JRK: variants seen among roughly 807,000 people sequenced by gnomAD.
JRK encodes the protein jerky protein homolog.
For synonymous variants in JRK, 303 were observed against 218.1 expected, an observed-to-expected ratio of 1.39 and a Z score of -3.43; for missense variants, 720 against 509.2, an observed-to-expected ratio of 1.41 and a Z score of -3.98.
intron 1 of JRK, among the ~76,000 whole-genome samples, chr8:142,667,937 G>A (rs1271511126): frequency 6.6e-6 from 1 of 152,248 alleles, no homozygotes; most frequent in Non-Finnish European, 1.5e-5. Context: ...TGTGAGGCCA[G>A]GGCAGCCTAT....
At position 142,665,882 on chromosome 8, in the gene JRK, C is replaced by T. The variant is rs115819062; in HGVS notation, c.177G>A (p.Lys59=). 1,280 of 784,492 alleles carry T rather than the reference C, an allele frequency of 1.6e-3. 9 individuals carry two copies. In the African/African-American group the frequency reaches 0.02, roughly 12 times the overall value. 48.6% of individuals were successfully genotyped at this position (784,492 alleles called of 1,614,324 possible). A position where few individuals can be genotyped will look rare whatever the true frequency, so the allele number is the denominator to read the frequency against. The change falls in exon 2 of 2, where the codon AAG becomes AAA. Residue 59 remains lysine (K), a synonymous_variant. Coordinates refer to ENST00000612905, the MANE Select transcript of JRK (RefSeq NM_003724.4). ...MSTLYDIRAH[K]AQLLRFFASS... is the part of the protein sequence containing the mutation. Reference sequence around the variant, plus strand: ...TGGCGAAGAACCGGAGCAGCTGCGCCTTGTGGGCCCTGATGTCGTAGAGGG... The same window carrying T: ...TGGCGAAGAACCGGAGCAGCTGCGCTTTGTGGGCCCTGATGTCGTAGAGGG...
rs782631131 is a variant in JRK, at chr8:142,664,863, T to G, written c.1196A>C (p.Glu399Ala). The change falls in exon 2 of 2, where the codon GAG becomes GCG. Residue 399 changes from glutamate to alanine, a missense_variant. Coordinates refer to ENST00000612905, the MANE Select transcript of JRK (RefSeq NM_003724.4). ...TGGGAAGCACTCTGCCTCCAACTCC[T>G]CCTCAGAGGAGGAGCCTTCGGCAAA... ...VAFAEGSSSEEELEAECFPVK... is the reference protein window; with the variant it reads ...VAFAEGSSSEAELEAECFPVK... 6.7e-7 allele frequency: 1 copy of G among 1,487,816 alleles called. No individual in the cohort carries two copies. The highest frequency in any genetic ancestry group is 1.1e-5 in the South Asian group (1 of 87,596). 92.2% of individuals were successfully genotyped at this position (1,487,816 alleles called of 1,614,324 possible). A position where few individuals can be genotyped will look rare whatever the true frequency, so the allele number is the denominator to read the frequency against.
downstream of JRK, among the ~76,000 whole-genome samples, chr8:142,656,942 T>C (rs1309662011): frequency 6.6e-6 from 1 of 152,148 alleles, no homozygotes; most frequent in Non-Finnish European, 1.5e-5. Context: ...AAATCTATCT[T>C]GTGCCCAGCA....
chr8:142,647,307 T>C, the JRK span, among the ~76,000 whole-genome samples: 5,346 of 151,884 alleles, frequency 0.035, 119 homozygotes, highest in Non-Finnish European at 0.053. Flanking sequence ...TAAGAAAAAA[T>C]GAAGGGGAGG....
At chr8:142,644,765 C>A in the JRK span, among the ~76,000 whole-genome samples, 1 of 152,148 alleles carries the variant, frequency 6.6e-6, no homozygotes, top group Non-Finnish European at 1.5e-5. Context: ...ATAAAAACAA[C>A]AGGAAGCCAA....
At chr8:142,655,824 G>A (rs146783225), downstream of JRK, among the ~76,000 whole-genome samples, 37 of 152,268 alleles carry the variant, frequency 2.4e-4, no homozygotes, top group African/African-American at 5.3e-4. Context: ...CCAATGTAGC[G>A]TTTTAATTTA....
Position 142,658,788 on chromosome 8 carries a change from C to T in JRK, c.*5564G>A. 6.4e-7 allele frequency: 1 copy of T among 1,563,760 alleles called. No homozygotes were observed. The highest frequency in any genetic ancestry group is 8.7e-7 in the Non-Finnish European group (1 of 1,154,068). The stretch of plus-strand genomic sequence containing the variant: ...CCACAGACCTACCAACACCCATAAC[C>T]TCAAGGGCACTGGTGGGGACAGAGG... On this transcript the variant is annotated 3_prime_UTR_variant, in exon 2 of 2. Coordinates refer to ENST00000612905, the MANE Select transcript of JRK (RefSeq NM_003724.4).
chr8:142,664,089 C>G lies in JRK; in HGVS notation c.*263G>C, dbSNP rs1270548250. 2.4e-6 allele frequency: 3 copies of G among 1,267,450 alleles called. No individual in the cohort carries two copies. In the South Asian group the frequency reaches 9.3e-5, roughly 39 times the overall value. The allele number at this position is 1,267,450 out of a possible 1,614,324, so 78.5% of individuals were successfully genotyped here. ...AGCCAGGGTGCGGCTCTGGCTTGTT[C>G]TAGGCTAGGGTGGACCCTTCCAAAA... is the stretch of plus-strand genomic sequence containing the variant. On this transcript the variant is annotated 3_prime_UTR_variant, in exon 2 of 2. Coordinates refer to ENST00000612905, the MANE Select transcript of JRK (RefSeq NM_003724.4).
At chr8:142,649,260 G>A in the JRK span, among the ~76,000 whole-genome samples, 1 of 152,174 alleles carries the variant, frequency 6.6e-6, no homozygotes, top group Non-Finnish European at 1.5e-5. Context: ...GAAATGTAAG[G>A]ACATGAGATT....
Position 142,658,782 on chromosome 8 carries a change from C to A in JRK, c.*5570G>T. 1.3e-6 allele frequency: 2 copies of A among 1,556,200 alleles called. No individual in the cohort carries two copies. The highest frequency in any genetic ancestry group is 8.7e-7 in the Non-Finnish European group (1 of 1,150,008). ...TGGAGGCCACAGACCTACCAACACC[C>A]ATAACCTCAAGGGCACTGGTGGGGA... On this transcript the variant is annotated 3_prime_UTR_variant, in exon 2 of 2. Transcript: ENST00000612905.
downstream of JRK, among the ~76,000 whole-genome samples, chr8:142,652,720 T>A (rs966977766): frequency 2.0e-5 from 3 of 152,180 alleles, no homozygotes; most frequent in Non-Finnish European, 4.4e-5. Flanking sequence ...AGCTTAGTGA[T>A]TTGGGAGCCC....
rs1554635671 is a variant in JRK, at chr8:142,665,397, C to T, written c.662G>A (p.Cys221Tyr). ...QGKDRLTVLM[C>Y]ANATGSHRLK... is the part of the protein sequence containing the mutation. ...CCTGTGGGAGCCCGTGGCGTTGGCA[C>T]ACATCAGCACGGTCAGCCGGTCCTT... Residue 221 changes from cysteine to tyrosine, a missense_variant, in exon 2 of 2, where the codon TGT becomes TAT. Cys to Tyr is a radical substitution (Grantham distance 194). Transcript: ENST00000612905. 2 of 717,700 alleles carry T rather than the reference C, an allele frequency of 2.8e-6. No homozygotes were observed. The highest frequency in any genetic ancestry group is 1.5e-5 in the South Asian group (1 of 67,598). The allele number at this position is 717,700 out of a possible 1,614,324, so 44.5% of individuals were successfully genotyped here. A position where few individuals can be genotyped will look rare whatever the true frequency, so the allele number is the denominator to read the frequency against.
downstream of JRK, among the ~76,000 whole-genome samples, chr8:142,656,473 T>G (rs1438762033): frequency 0.03 from 835 of 28,230 alleles, 9 homozygotes; most frequent in African/African-American, 0.05. Context: ...GATTGTTCTG[T>G]TTAAACTGCT....
At chr8:142,646,264 C>G in the JRK span, among the ~76,000 whole-genome samples, 1 of 152,182 alleles carries the variant, frequency 6.6e-6, no homozygotes, top group Non-Finnish European at 1.5e-5. Context: ...TTGCCTTGAA[C>G]CTCCAAGCTG....
At chr8:142,656,545 T>G (rs1846756256), downstream of JRK, among the ~76,000 whole-genome samples, 1 of 152,236 alleles carries the variant, frequency 6.6e-6, no homozygotes, top group Non-Finnish European at 1.5e-5. Context: ...AGTTAGTGTT[T>G]GTGATACTTT....
chr8:142,653,442 T>G (rs587687436), downstream of JRK, among the ~76,000 whole-genome samples: 14 of 152,294 alleles, frequency 9.2e-5, no homozygotes, highest in South Asian at 2.3e-3. Context: ...GGCAGAATCA[T>G]GGCACAGTGT....
chr8:142,659,976 A>G lies in JRK; in HGVS notation c.*4376T>C. ...GGGTCCATGTGTAGAAGCAGAGGCC[A>G]GAGCTGACACCACATGGGCAAAGGA... On this transcript the variant is annotated 3_prime_UTR_variant, in exon 2 of 2. Transcript: ENST00000612905. The G allele has an allele frequency of 1.0e-6, 1 of 985,656 alleles. No individual in the cohort carries two copies. The highest frequency in any genetic ancestry group is 1.2e-6 in the Non-Finnish European group (1 of 830,016). The allele number at this position is 985,656 out of a possible 1,614,324, so 61.1% of individuals were successfully genotyped here.
Position 142,659,159 on chromosome 8 carries a change from C to A in JRK, c.*5193G>T. 1 of 1,331,316 alleles carries A rather than the reference C, an allele frequency of 7.5e-7. No individual in the cohort carries two copies. The highest frequency in any genetic ancestry group is 3.1e-5 in the East Asian group (1 of 32,110). The allele number at this position is 1,331,316 out of a possible 1,614,324, so 82.5% of individuals were successfully genotyped here. A position where few individuals can be genotyped will look rare whatever the true frequency, so the allele number is the denominator to read the frequency against. Reference sequence around the variant, plus strand: ...CCAGCTCAAGCCTGGCAGCTCCTCCCACTGAGCCTCATGGTCACCCCAGAG... The same window carrying A: ...CCAGCTCAAGCCTGGCAGCTCCTCCAACTGAGCCTCATGGTCACCCCAGAG... On this transcript the variant is annotated 3_prime_UTR_variant, in exon 2 of 2. Coordinates refer to ENST00000612905, the MANE Select transcript of JRK (RefSeq NM_003724.4).
downstream of JRK, chr8:142,657,310 G>C (rs953048887): frequency 6.5e-6 from 1 of 152,734 alleles, no homozygotes; most frequent in Admixed American, 6.5e-5. Context: ...GTGCTTTCTG[G>C]AGGCAGACAC....
Sources: gnomAD v4.1 joint callset for allele counts (sites outside exome capture counted in the v4.1 genomes callset) on GRCh38, gnomAD v4.1.1 for gene constraint, MANE v1.5 for transcripts, NCBI Gene and HGNC (gene_info 2026-07-23, HGNC 2026-07-21) for gene names.